The following PAM variants were observed in gnomAD, a reference collection of about 807,000 sequenced individuals.
PAM encodes the protein peptidyl-glycine alpha-amidating monooxygenase.
A neutral mutation model predicts 122.1 loss-of-function variants in PAM; 72 were observed. That is an observed-to-expected ratio of 0.59 (90% CI 0.49 to 0.72). The LOEUF is 0.72. Ranked by LOEUF, PAM falls within the 30% of genes least tolerant of loss-of-function variation. The pLI, the probability that PAM is intolerant of heterozygous loss-of-function variation, is 0.00. For missense variants in PAM, 1,106 were observed against 1,183.7 expected (o/e 0.93, Z 0.96); for synonymous variants, 389 against 404.4 (o/e 0.96, Z 0.46).
At chr5:102,780,755 CTTTCTTTCTTTCTTTCTT>C (rs1181780225) in intron 1 of PAM, among the ~76,000 whole-genome samples, 27 of 16,274 alleles carry the variant, frequency 1.7e-3, no homozygotes, top group African/African-American at 5.2e-3. Flanking sequence ...CTTTCTTTCT[CTTTCTTTCTTTCTTTCTT>C]TCTTTCTTTC....
intron 3 of PAM, among the ~76,000 whole-genome samples, chr5:102,881,157 G>C (rs996177822): frequency 1.6e-4 from 16 of 100,190 alleles, no homozygotes; most frequent in African/African-American, 5.1e-4. Flanking sequence ...CACACACACA[G>C]AGACTTCTAA....
At chr5:102,955,400 C>A (rs1760392700) in intron 12 of PAM, among the ~76,000 whole-genome samples, 1 of 151,940 alleles carries the variant, frequency 6.6e-6, no homozygotes, top group Non-Finnish European at 1.5e-5. Flanking sequence ...AAAATTTGAT[C>A]TGACTCATTA....
At chr5:102,996,448 C>T (rs1048827450) in intron 16 of PAM, among the ~76,000 whole-genome samples, 8 of 152,130 alleles carry the variant, frequency 5.3e-5, no homozygotes, top group African/African-American at 1.9e-4. Flanking sequence ...ATCTGACAGC[C>T]ATTTGTGAAC....
intron 12 of PAM, among the ~76,000 whole-genome samples, chr5:102,954,320 A>C (rs948820857): frequency 6.6e-6 from 1 of 151,850 alleles, no homozygotes; most frequent in African/African-American, 2.4e-5. Context: ...TTCCCTCCTG[A>C]GTCCCCAAAG....
chr5:102,859,429 TTATAGAATAAAGATATACAGA>T, intron 1 of PAM, among the ~76,000 whole-genome samples: 1 of 151,764 alleles, frequency 6.6e-6, no homozygotes, highest in Non-Finnish European at 1.5e-5. Context: ...TAAAAAAAGC[TTATAGAATAAAGATATACAGA>T]AAGAAAATAT....
At chr5:102,777,641 G>A (rs73183123) in intron 1 of PAM, among the ~76,000 whole-genome samples, 4,003 of 152,116 alleles carry the variant, frequency 0.026, 168 homozygotes, top group African/African-American at 0.093. Context: ...TAAAATTCAC[G>A]ATAAGAAAAC....
rs1036735326 is a variant in PAM, at chr5:103,029,163, G to A, written c.*98G>A. ...AGTTCTGTGTATTTAATTGTAAACT[G>A]TACTAGTCTGTGTGGGACTGTACAC... On this transcript the variant is annotated 3_prime_UTR_variant, in exon 26 of 26. Transcript: ENST00000438793. 1.0e-6 allele frequency: 1 copy of A among 978,262 alleles called. No homozygotes were observed. The highest frequency in any genetic ancestry group is 1.6e-5 in the African/African-American group (1 of 61,210). 60.6% of individuals were successfully genotyped at this position (978,262 alleles called of 1,614,324 possible). A position where few individuals can be genotyped will look rare whatever the true frequency, so the allele number is the denominator to read the frequency against.
At chr5:102,785,267 G>A (rs1220633082) in intron 1 of PAM, among the ~76,000 whole-genome samples, 1 of 151,848 alleles carries the variant, frequency 6.6e-6, no homozygotes, top group Non-Finnish European at 1.5e-5. Flanking sequence ...TAAGAAAAGG[G>A]AGGGGGGAGT....
chr5:102,767,138 C>G (rs1754348937), intron 1 of PAM, among the ~76,000 whole-genome samples: 1 of 150,918 alleles, frequency 6.6e-6, no homozygotes, highest in African/African-American at 2.4e-5. Flanking sequence ...TATTAAATGC[C>G]CTAGCCTTTG....
chr5:103,004,575 T>C (rs1419917818), intron 17 of PAM, among the ~76,000 whole-genome samples: 1 of 152,232 alleles, frequency 6.6e-6, no homozygotes, highest in African/African-American at 2.4e-5. Flanking sequence ...ATCATTAAGA[T>C]TGATTTGCCA....
intron 21 of PAM, among the ~76,000 whole-genome samples, chr5:103,011,030 T>G (rs1009838555): frequency 2.6e-5 from 4 of 152,234 alleles, no homozygotes; most frequent in African/African-American, 9.6e-5. Context: ...TTATTCATTC[T>G]GATTTTTTTA....
At chr5:102,983,160 G>C (rs1452114053) in intron 15 of PAM, among the ~76,000 whole-genome samples, 1 of 151,932 alleles carries the variant, frequency 6.6e-6, no homozygotes, top group East Asian at 1.9e-4. Flanking sequence ...AAATAACCCG[G>C]TAAGGCCAGG....
chr5:102,989,821 T>TAGAC (rs1562157405), intron 15 of PAM: 2 of 152,032 alleles, frequency 1.3e-5, no homozygotes, highest in Admixed American at 6.5e-5. Flanking sequence ...GATAGATAGA[T>TAGAC]AGATAGATAG....
intron 1 of PAM, among the ~76,000 whole-genome samples, chr5:102,798,538 G>T (rs1316554261): frequency 6.6e-6 from 1 of 152,152 alleles, no homozygotes; most frequent in Non-Finnish European, 1.5e-5. Flanking sequence ...AGTAGCTTGT[G>T]ATTCTCATTT....
intron 12 of PAM, among the ~76,000 whole-genome samples, chr5:102,953,896 C>G (rs1370453631): frequency 6.6e-6 from 1 of 152,026 alleles, no homozygotes; most frequent in Non-Finnish European, 1.5e-5. Context: ...GCCCATAATC[C>G]CAGCTACTTG....
intron 21 of PAM, among the ~76,000 whole-genome samples, chr5:103,011,594 C>A (rs552086749): frequency 1.3e-5 from 2 of 152,252 alleles, no homozygotes; most frequent in South Asian, 2.1e-4. Context: ...ATGACAGAGT[C>A]TTATTCTTTT....
At chr5:102,815,227 A>C (rs1487608423) in intron 1 of PAM, among the ~76,000 whole-genome samples, 1 of 152,096 alleles carries the variant, frequency 6.6e-6, no homozygotes, top group Non-Finnish European at 1.5e-5. Flanking sequence ...GATAGTGGGC[A>C]GAAGGAAAGG....
At chr5:102,831,206 G>C (rs1313093000) in intron 1 of PAM, among the ~76,000 whole-genome samples, 1 of 152,070 alleles carries the variant, frequency 6.6e-6, no homozygotes, top group Non-Finnish European at 1.5e-5. Context: ...AATGTTCATG[G>C]AAACCGTTAC....
chr5:102,849,898 G>C lies in PAM; in HGVS notation c.-373-15925G>C, dbSNP rs1210858538. On this transcript the variant is annotated intron_variant, in intron 1 of 25. Coordinates refer to ENST00000438793, the MANE Select transcript of PAM (RefSeq NM_001177306.2). ...CAGGAGCAGGATTTGGAGTAGCTGG[G>C]CAAGGGAATGCTGTTTTCATTGTAG... Among the ~76,000 whole-genome samples the C allele has an allele frequency of 2.0e-5, 3 of 152,154 alleles. No individual in the cohort carries two copies. In the East Asian group the frequency reaches 5.8e-4, roughly 29 times the overall value.
Sources: gnomAD v4.1 joint callset for allele counts (sites outside exome capture counted in the v4.1 genomes callset) on GRCh38, gnomAD v4.1.1 for gene constraint, MANE v1.5 for transcripts, NCBI Gene and HGNC (gene_info 2026-07-23, HGNC 2026-07-21) for gene names.